Variants in MPPED2 observed in about 807,000 individuals in gnomAD.
The protein encoded by MPPED2 is metallophosphoesterase MPPED2.
A neutral mutation model predicts 33.0 loss-of-function variants in MPPED2; 5 were observed. That is an observed-to-expected ratio of 0.15 (90% confidence interval 0.08 to 0.32). The LOEUF (loss-of-function observed/expected upper bound fraction) is 0.32, where lower values mean the gene tolerates loss of function less well. Among genes scored for constraint, MPPED2 ranks in the 10% least tolerant of loss-of-function variants. The probability of loss-of-function intolerance (pLI) is 1.00; values close to 1 mark genes in which losing one functional copy is unlikely to be tolerated. For missense variants in MPPED2, 275 were observed against 372.1 expected, an observed-to-expected ratio of 0.74 and a Z score of 2.15; for synonymous variants, 136 against 141.9, an observed-to-expected ratio of 0.96 and a Z score of 0.29.
chr11:30,536,168 G>A lies in MPPED2; in HGVS notation c.136C>T (p.Pro46Ser), dbSNP rs756607736. 3.8e-6 allele frequency: 6 copies of A among 1,599,578 alleles called. No homozygotes were observed. Among genetic ancestry groups the A allele is most frequent in the Non-Finnish European group, 4.3e-6 (5 of 1,174,238 alleles). ...FQPPHVHMVD[P>S]IPYDTPKPAG... ...GGTTTTGGAGTGTCATATGGGATGG[G>A]GTCGACCCTAAAGTAGACATAACAG... Residue 46 changes from proline to serine, a missense_variant, in exon 3 of 7, where the codon CCC becomes TCC. Physicochemically the swap from Pro to Ser is moderately conservative, Grantham distance 74. Coordinates refer to ENST00000358117, the MANE Select transcript of MPPED2 (RefSeq NM_001584.3).
At chr11:30,488,879 A>AC (rs1951850900) in intron 4 of MPPED2, among the ~76,000 whole-genome samples, 1 of 146,914 alleles carries the variant, frequency 6.8e-6, no homozygotes, top group South Asian at 2.1e-4. Flanking sequence ...CACACACACA[A>AC]GACCTTTTTC....
chr11:30,453,243 T>C (rs1950140696), intron 4 of MPPED2, among the ~76,000 whole-genome samples: 1 of 152,188 alleles, frequency 6.6e-6, no homozygotes, highest in Non-Finnish European at 1.5e-5. Context: ...AATTGAAGAC[T>C]CAGTCGAAGA....
At chr11:30,556,955 A>G (rs1172457190) in intron 2 of MPPED2, among the ~76,000 whole-genome samples, 1 of 152,066 alleles carries the variant, frequency 6.6e-6, no homozygotes, top group Non-Finnish European at 1.5e-5. Context: ...TAGGGCAATA[A>G]GATGAGGAAA....
chr11:30,585,079 C>T (rs568011480), intron 1 of MPPED2: 2 of 152,326 alleles, frequency 1.3e-5, no homozygotes, highest in Admixed American at 1.3e-4. Context: ...TTCCAACCGG[C>T]TCCTGAGCCT....
At chr11:30,445,013 T>C (rs1726494158) in intron 4 of MPPED2, among the ~76,000 whole-genome samples, 1 of 152,208 alleles carries the variant, frequency 6.6e-6, no homozygotes, top group Admixed American at 6.5e-5. Flanking sequence ...TCTTTGGGAA[T>C]TGTGAAATTA....
intron 3 of MPPED2, among the ~76,000 whole-genome samples, chr11:30,508,966 AT>A (rs200093505): frequency 0.023 from 3,488 of 152,320 alleles, 64 homozygotes; most frequent in Admixed American, 0.052. Context: ...TACTTATCAA[AT>A]AGATGAATGA....
chr11:30,581,093 G>T (rs1957144352), intron 1 of MPPED2, among the ~76,000 whole-genome samples: 1 of 152,122 alleles, frequency 6.6e-6, no homozygotes, highest in Non-Finnish European at 1.5e-5. Context: ...CACTGGCCCA[G>T]AACCTTATGG....
chr11:30,433,198 G>A (rs1309973329), intron 4 of MPPED2, among the ~76,000 whole-genome samples: 1 of 152,170 alleles, frequency 6.6e-6, no homozygotes, highest in African/African-American at 2.4e-5. Context: ...GGTTAAATAA[G>A]TTTGAGAAAT....
At chr11:30,467,139 C>G (rs1950743657) in intron 4 of MPPED2, among the ~76,000 whole-genome samples, 1 of 152,122 alleles carries the variant, frequency 6.6e-6, no homozygotes, top group Non-Finnish European at 1.5e-5. Flanking sequence ...CAAAAACACC[C>G]CACCCCCACA....
At chr11:30,582,751 A>T (rs407363) in intron 1 of MPPED2, among the ~76,000 whole-genome samples, 144,324 of 152,290 alleles carry the variant, frequency 0.95, 68,454 homozygotes, top group African/African-American at 0.98. Context: ...CCTAATGTCA[A>T]CCTTCTCTAT....
intron 4 of MPPED2, among the ~76,000 whole-genome samples, chr11:30,448,953 C>T (rs1949933368): frequency 6.6e-6 from 1 of 152,190 alleles, no homozygotes; most frequent in Admixed American, 6.5e-5. Flanking sequence ...CACCCCCGGC[C>T]ACTCCCCACT....
At chr11:30,579,670 C>G (rs896337875) in intron 2 of MPPED2, among the ~76,000 whole-genome samples, 1 of 152,100 alleles carries the variant, frequency 6.6e-6, no homozygotes, top group East Asian at 1.9e-4. Context: ...TCCACTGTCC[C>G]TTATTCCTTT....
chr11:30,570,551 T>C (rs1048051918), intron 2 of MPPED2, among the ~76,000 whole-genome samples: 2 of 152,128 alleles, frequency 1.3e-5, no homozygotes, highest in South Asian at 2.1e-4. Context: ...GCTTCGGTGG[T>C]TATCTTTGAA....
At chr11:30,503,818 A>G (rs1952678963) in intron 3 of MPPED2, among the ~76,000 whole-genome samples, 1 of 152,202 alleles carries the variant, frequency 6.6e-6, no homozygotes, top group Non-Finnish European at 1.5e-5. Flanking sequence ...AGCTCATTCT[A>G]TAGCAGGAGG....
rs1590739330 is a variant in MPPED2, at chr11:30,531,380, G to C, written c.310+4614C>G. Among the ~76,000 whole-genome samples the C allele has an allele frequency of 2.0e-5, 3 of 152,300 alleles. No individual in the cohort carries two copies. In the South Asian group the frequency reaches 6.2e-4, roughly 32 times the overall value. ...GATGTCTGATTAGCCAGACTGGGGA[G>C]AGATGGAAAACAGGGGCTCTGTCAC... On this transcript the variant is annotated intron_variant, in intron 3 of 6. Transcript: ENST00000358117.
At chr11:30,495,853 T>C (rs1952226775) in intron 3 of MPPED2, among the ~76,000 whole-genome samples, 2 of 152,194 alleles carry the variant, frequency 1.3e-5, no homozygotes, top group African/African-American at 4.8e-5. Flanking sequence ...AAAAGCTCTT[T>C]AATCACGATC....
intron 4 of MPPED2, among the ~76,000 whole-genome samples, chr11:30,452,324 A>T (rs1032487964): frequency 2.0e-5 from 3 of 152,168 alleles, no homozygotes; most frequent in South Asian, 2.1e-4. Flanking sequence ...CAGTTGAGTC[A>T]TCCTTCAAGA....
chr11:30,461,395 TA>T (rs201164321), intron 4 of MPPED2, among the ~76,000 whole-genome samples: 1 of 152,042 alleles, frequency 6.6e-6, no homozygotes, highest in Admixed American at 6.6e-5. Context: ...ATTTTACCAA[TA>T]AAAAAATGAA....
At chr11:30,491,225 C>T (rs369252529) in intron 4 of MPPED2, among the ~76,000 whole-genome samples, 94 of 152,108 alleles carry the variant, frequency 6.2e-4, no homozygotes, top group African/African-American at 2.2e-3. Flanking sequence ...AAAAATTGTA[C>T]AAGACATTAA....
Sources: allele counts gnomAD v4.1 joint callset (sites outside exome capture counted in the v4.1 genomes callset), GRCh38; gene constraint gnomAD v4.1.1; transcripts MANE v1.5; gene names NCBI Gene and HGNC (gene_info 2026-07-23, HGNC 2026-07-21).